SEL1L3: variants seen among roughly 807,000 people sequenced by gnomAD.
SEL1L3 encodes the protein SEL1L family member 3.
SEL1L3 carries 76 observed loss-of-function variants against 142.8 expected under a neutral mutation model. That is an observed-to-expected ratio of 0.53 (90% CI 0.44 to 0.64). The LOEUF (loss-of-function observed/expected upper bound fraction) is 0.64, where lower values mean the gene tolerates loss of function less well. SEL1L3 is among the 30% of genes least tolerant of loss of function. SEL1L3 has a pLI of 0.00. For synonymous variants in SEL1L3, 504 were observed against 519.6 expected, an observed-to-expected ratio of 0.97 and a Z score of 0.41; for missense variants, 1,262 against 1,381.7, an observed-to-expected ratio of 0.91 and a Z score of 1.37.
the SEL1L3 span, among the ~76,000 whole-genome samples, chr4:25,737,487 A>G: frequency 2.5e-4 from 38 of 152,158 alleles, no homozygotes; most frequent in African/African-American, 8.4e-4. Context: ...CTCTTTTTAT[A>G]GGGGCATTAA....
chr4:25,731,826 C>G, the SEL1L3 span, among the ~76,000 whole-genome samples: 1 of 151,912 alleles, frequency 6.6e-6, no homozygotes, highest in Admixed American at 6.6e-5. Flanking sequence ...TAATCCCAGC[C>G]CTTTGGGAGG....
At chr4:25,838,204 T>C (rs1715954653) in intron 2 of SEL1L3, among the ~76,000 whole-genome samples, 2 of 152,344 alleles carry the variant, frequency 1.3e-5, no homozygotes, top group South Asian at 4.1e-4. Context: ...TTTCAAATCC[T>C]TTCCCCACAT....
the SEL1L3 span, among the ~76,000 whole-genome samples, chr4:25,716,319 T>C: frequency 6.6e-6 from 1 of 152,186 alleles, no homozygotes; most frequent in African/African-American, 2.4e-5. Context: ...ATCATTTTAC[T>C]ACAGTTGATT....
chr4:25,757,660 G>T, intron 22 of SEL1L3, 28 bp downstream of exon 22: 1 of 1,563,376 alleles, frequency 6.4e-7, no homozygotes, highest in South Asian at 1.2e-5. Context: ...GGGCCACAAG[G>T]GTGGGGCCGG....
At chr4:25,791,988 T>A (rs1712368906) in intron 11 of SEL1L3, among the ~76,000 whole-genome samples, 1 of 151,494 alleles carries the variant, frequency 6.6e-6, no homozygotes, top group Non-Finnish European at 1.5e-5. Flanking sequence ...CTCAGCTGCC[T>A]CTTCTACTGG....
chr4:25,847,321 T>C lies in SEL1L3; in HGVS notation c.706A>G (p.Arg236Gly), dbSNP rs1264033473. Reference protein sequence around the residue: ...MGYIWNLRANRIPQCPLENDV... With the variant: ...MGYIWNLRANGIPQCPLENDV... ...TTTTCCAGAGGACACTGTGGAATCC[T>C]GTTTGCCCGAAGGTTCCAAATATAA... Residue 236 changes from arginine to glycine, a missense_variant, in exon 2 of 24, where the codon AGG (arginine) becomes GGG (glycine). Coordinates refer to ENST00000399878, the MANE Select transcript of SEL1L3 (RefSeq NM_015187.5). 3 of 1,613,618 alleles carry C rather than the reference T, an allele frequency of 1.9e-6. No homozygotes were observed. Among genetic ancestry groups the C allele is most frequent in the Non-Finnish European group, 2.5e-6 (3 of 1,179,742 alleles).
rs142070705 is a variant in SEL1L3, at chr4:25,788,645, C to A, written c.2077-281G>T. Among the ~76,000 whole-genome samples the A allele has an allele frequency of 6.0e-5, 9 of 151,006 alleles. No homozygotes were observed. Among genetic ancestry groups the A allele is most frequent in the Non-Finnish European group, 8.8e-5 (6 of 67,850 alleles). On this transcript the variant is annotated intron_variant, in intron 12 of 23. Transcript: ENST00000399878. This position sits in a 1 kb window ranked among gnomAD's most constrained non-coding sequence, Gnocchi z 5.3. Reference sequence around the variant, plus strand: ...GTATCTACTGTACCCAGGACCAGGGCTAGCTGGAACTTCGTCAATAATCAG... The same window carrying A: ...GTATCTACTGTACCCAGGACCAGGGATAGCTGGAACTTCGTCAATAATCAG...
At position 25,801,276 on chromosome 4, in the gene SEL1L3, G is replaced by A. The variant is rs182008602; in HGVS notation, c.1956+1007C>T. Among the ~76,000 whole-genome samples the A allele has an allele frequency of 8.8e-4, 134 of 152,312 alleles. No individual in the cohort carries two copies. The East Asian group carries it at 0.025, about 28-fold the overall frequency. Reference sequence around the variant, plus strand: ...AAATTAGCTGGGCATGGTGGCACACGCCTGTAATCCCAGCAACTCAGGAGG... The same window carrying A: ...AAATTAGCTGGGCATGGTGGCACACACCTGTAATCCCAGCAACTCAGGAGG... On this transcript the variant is annotated intron_variant, in intron 11 of 23. Transcript: ENST00000399878.
the SEL1L3 span, among the ~76,000 whole-genome samples, chr4:25,722,996 A>T: frequency 6.6e-6 from 1 of 152,164 alleles, no homozygotes; most frequent in African/African-American, 2.4e-5. Context: ...GGACAAGGAG[A>T]GTGTCCCGGC....
In SEL1L3 at chr4:25,748,536, C is replaced by T; in HGVS notation, c.3288G>A (p.Gln1096=). The change falls in exon 24 of 24, where the codon CAG becomes CAA. Residue 1096 remains glutamine (Q), a synonymous_variant. Transcript: ENST00000399878. ...SASDPPPRPS[Q]ASPDTATSTA... is the part of the protein sequence containing the mutation. ...TGGACGTGGCAGTGTCTGGGGAGGC[C>T]TGGGATGGTCTTGGAGGGGGATCGC... is the stretch of plus-strand genomic sequence containing the variant. 6.2e-7 allele frequency: 1 copy of T among 1,611,464 alleles called. No homozygotes were observed. Among genetic ancestry groups the T allele is most frequent in the South Asian group, 1.1e-5 (1 of 90,200 alleles).
At chr4:25,789,102 C>T (rs1006070186) in intron 12 of SEL1L3, among the ~76,000 whole-genome samples, 7 of 152,148 alleles carry the variant, frequency 4.6e-5, no homozygotes, top group African/African-American at 1.7e-4. Flanking sequence ...GACATATGCC[C>T]AGGAACGTGG....
rs1404927593 is a variant in SEL1L3 at position 25,804,712 on chromosome 4, C to T, written c.1605G>A (p.Gly535=). The T allele has an allele frequency of 6.2e-7, 1 of 1,613,730 alleles. No individual in the cohort carries two copies. The highest frequency in any genetic ancestry group is 2.2e-5 in the East Asian group (1 of 44,898). ...NQNESVSEIG[G]KIFEKAVKRL... ...TCTTTACAGCCTTCTCAAATATCTT[C>T]CCACCGATTTCTGATACAGATTCAT... Residue 535 remains glycine (G), a synonymous_variant, in exon 10 of 24, where the codon GGG becomes GGA. Transcript: ENST00000399878.
At chr4:25,825,809 G>A (rs1163098107) in intron 6 of SEL1L3, among the ~76,000 whole-genome samples, 1 of 151,560 alleles carries the variant, frequency 6.6e-6, no homozygotes, top group Non-Finnish European at 1.5e-5. Context: ...CGAGTAGCTG[G>A]GAATACAGGC....
At chr4:25,857,501 A>G (rs1717345932) in intron 1 of SEL1L3, among the ~76,000 whole-genome samples, 1 of 152,082 alleles carries the variant, frequency 6.6e-6, no homozygotes, top group Non-Finnish European at 1.5e-5. Flanking sequence ...CTGACTTCTA[A>G]CCTCCACCTC....
chr4:25,836,751 G>A (rs1715848513), intron 2 of SEL1L3, among the ~76,000 whole-genome samples: 1 of 152,210 alleles, frequency 6.6e-6, no homozygotes, highest in African/African-American at 2.4e-5. Context: ...CTCTTGGAGA[G>A]AGAAGAGTTG....
At chr4:25,852,747 A>G (rs1716988835) in intron 1 of SEL1L3, among the ~76,000 whole-genome samples, 1 of 152,212 alleles carries the variant, frequency 6.6e-6, no homozygotes, top group Non-Finnish European at 1.5e-5. Flanking sequence ...CCCAAAGAAC[A>G]ACTTAAAACC....
chr4:25,810,820 C>T (rs980285599), intron 9 of SEL1L3, among the ~76,000 whole-genome samples: 3 of 152,162 alleles, frequency 2.0e-5, no homozygotes, highest in Non-Finnish European at 4.4e-5. Flanking sequence ...CTGGAATGCC[C>T]GAGGCAGCAA....
chr4:25,863,502 C>A (rs1345897006), upstream of SEL1L3: 3 of 702,746 alleles, frequency 4.3e-6, no homozygotes, highest in Non-Finnish European at 7.8e-6. Context: ...CTTTTTTGGC[C>A]GGGGCGCCAT....
At chr4:25,736,827 TG>T in the SEL1L3 span, among the ~76,000 whole-genome samples, 1,194 of 148,930 alleles carry the variant, frequency 8.0e-3, 11 homozygotes, top group Middle Eastern at 0.024. Context: ...ACGTTGTTAG[TG>T]GGCATATATA....
Sources: gnomAD v4.1 joint callset for allele counts (sites outside exome capture counted in the v4.1 genomes callset) on GRCh38, gnomAD v4.1.1 for gene constraint, Gnocchi (gnomAD v3.1) non-coding constraint, MANE v1.5 for transcripts, NCBI Gene and HGNC (gene_info 2026-07-23, HGNC 2026-07-21) for gene names.